The following CCNL2 variants were observed in gnomAD, a reference collection of about 807,000 sequenced individuals.
CCNL2 encodes cyclin-L2.
A neutral mutation model predicts 59.1 loss-of-function variants in CCNL2; 28 were observed. The ratio of observed to expected loss-of-function variants is 0.47; its 90% CI spans 0.35 to 0.65. CCNL2 has a LOEUF of 0.65. Ranked by LOEUF, CCNL2 falls within the 30% of genes least tolerant of loss-of-function variation. CCNL2 has a pLI of 0.00. For missense variants in CCNL2, 714 were observed against 717.4 expected (o/e 1.00, Z 0.05); for synonymous variants, 342 against 288.6 (o/e 1.19, Z -1.88).
In CCNL2 at chr1:1,399,148, G is replaced by A; in HGVS notation, c.159C>T (p.Leu53=). ...SGVLITLENC[L]LPDDKLRFTP... is the part of the protein sequence containing the mutation. ...TGAAACGGAGCTTGTCGTCAGGCAGGAGGCAGTTCTCCAAGGTGATGAGCA... is the reference window on the plus strand; with the variant it reads ...TGAAACGGAGCTTGTCGTCAGGCAGAAGGCAGTTCTCCAAGGTGATGAGCA... The change falls in exon 1 of 11, where the codon CTC becomes CTT. Residue 53 remains leucine (L), a synonymous_variant. Coordinates refer to ENST00000400809, the MANE Select transcript of CCNL2 (RefSeq NM_030937.6). The A allele has an allele frequency of 6.2e-7, 1 of 1,612,304 alleles. No homozygotes were observed. The highest frequency in any genetic ancestry group is 8.5e-7 in the Non-Finnish European group (1 of 1,179,544).
At chr1:1,389,711 G>T (rs986214065) in intron 8 of CCNL2, among the ~76,000 whole-genome samples, 3 of 152,120 alleles carry the variant, frequency 2.0e-5, no homozygotes, top group African/African-American at 7.2e-5. Context: ...TGTAATCCCA[G>T]CACTTTGGGA....
At chr1:1,389,982 G>A (rs1644675455) in intron 8 of CCNL2, among the ~76,000 whole-genome samples, 1 of 152,052 alleles carries the variant, frequency 6.6e-6, no homozygotes, top group African/African-American at 2.4e-5. Flanking sequence ...GCCAAGCATG[G>A]TGGCATGTGC....
rs763854660 is a variant in CCNL2 at position 1,393,446 on chromosome 1, G to A, written c.609C>T (p.Tyr203=). 4 of 1,614,018 alleles carry A rather than the reference G, an allele frequency of 2.5e-6. No individual in the cohort carries two copies. The highest frequency in any genetic ancestry group is 2.2e-5 in the East Asian group (1 of 44,890). The change falls in exon 5 of 11, where the codon TAC becomes TAT. Residue 203 remains tyrosine (Y), a synonymous_variant. Coordinates refer to ENST00000400809, the MANE Select transcript of CCNL2 (RefSeq NM_030937.6). ...VKHPHKIIVM[Y]LQVLECERNQ... is the part of the protein sequence containing the mutation. ...TACGCTCACACTCTAACACCTGAAG[G>A]TACATAACGATTATCTGGAAGATAC...
At position 1,388,569 on chromosome 1, in the gene CCNL2, C is replaced by G. The variant is rs866906716; in HGVS notation, c.1007-504G>C. On this transcript the variant is annotated intron_variant, in intron 8 of 10. Transcript: ENST00000400809. ...CCCCAAAACATGTGAGTGTGTGTCT[C>G]TCTCTCTCTCTCTCTATATATATAT... The G allele has an allele frequency of 2.9e-3, 807 of 280,222 alleles. 4 individuals are homozygous for G. Among genetic ancestry groups the G allele is most frequent in the Middle Eastern group, 0.018 (16 of 898 alleles). 17.4% of individuals were successfully genotyped at this position (280,222 alleles called of 1,614,324 possible).
rs530061879 is a variant in CCNL2 at position 1,399,273 on chromosome 1, C to T, written c.34G>A (p.Gly12Arg). 1 of 1,525,308 alleles carries T rather than the reference C, an allele frequency of 6.6e-7. No homozygotes were observed. Among genetic ancestry groups the T allele is most frequent in the African/African-American group, 1.5e-5 (1 of 68,816 alleles). The allele number at this position is 1,525,308 out of a possible 1,614,324, so 94.5% of individuals were successfully genotyped here. A position where few individuals can be genotyped will look rare whatever the true frequency, so the allele number is the denominator to read the frequency against. ...GCCGCTGCCGCGGGAGCTGCCGACC[C>T]TGCAGCACCAGCCGCCGCCGCCGCC... ...AAAAAAAGAA[G>R]SAAPAAAAGA... Residue 12 changes from glycine (G) to arginine (R), a missense_variant, in exon 1 of 11, where the codon GGG becomes AGG. By Grantham distance (125) the Gly-to-Arg change is moderately radical. Coordinates refer to ENST00000400809, the MANE Select transcript of CCNL2 (RefSeq NM_030937.6).
Position 1,387,143 on chromosome 1 carries a change from G to A in CCNL2, c.*88C>T, listed in dbSNP as rs564165128. On this transcript the variant is annotated 3_prime_UTR_variant, in exon 11 of 11. Coordinates refer to ENST00000400809, the MANE Select transcript of CCNL2 (RefSeq NM_030937.6). ...ACTTGCGCTGAGAGCACACCCGGGG[G>A]TCAAAGGGCAGCCACCGGGGGTCAA... is the stretch of plus-strand genomic sequence containing the variant. 28 of 1,089,222 alleles carry A rather than the reference G, an allele frequency of 2.6e-5. No homozygotes were observed. The Admixed American group carries it at 5.3e-4, about 21-fold the overall frequency. The allele number at this position is 1,089,222 out of a possible 1,614,324, so 67.5% of individuals were successfully genotyped here. A position where few individuals can be genotyped will look rare whatever the true frequency, so the allele number is the denominator to read the frequency against.
chr1:1,388,226 C>A (rs1644565594), intron 8 of CCNL2, 161 bp from the exon 9 acceptor site: 2 of 624,624 alleles, frequency 3.2e-6, no homozygotes, highest in African/African-American at 1.8e-5. Context: ...ACAGACATCA[C>A]AGAAATGCAG....
At chr1:1,387,732 C>A in intron 10 of CCNL2, 45 bp downstream of exon 10, 1 of 1,530,946 alleles carries the variant, frequency 6.5e-7, no homozygotes, top group Non-Finnish European at 8.9e-7. Context: ...CGAGGGACAG[C>A]CCCACCCCGG....
At chr1:1,391,344 A>G (rs1644750536) in intron 5 of CCNL2, 4 of 1,161,682 alleles carry the variant, frequency 3.4e-6, no homozygotes, top group Non-Finnish European at 4.3e-6. Flanking sequence ...CTGGGAGACA[A>G]GCCATCCTCT....
At chr1:1,391,501 G>C (rs774675404) in intron 5 of CCNL2, 2 of 1,296,866 alleles carry the variant, frequency 1.5e-6, no homozygotes, top group East Asian at 5.6e-5. Context: ...TGCGGAGGGA[G>C]ACTCCGCACC....
chr1:1,397,590 G>C (rs998265042), intron 3 of CCNL2, among the ~76,000 whole-genome samples: 1 of 152,158 alleles, frequency 6.6e-6, no homozygotes, highest in Non-Finnish European at 1.5e-5. Flanking sequence ...AGCCAGATGC[G>C]GTGGCTGAAA....
rs376876085 is a variant in CCNL2, at chr1:1,388,083, G to T, written c.1007-18C>A. The T allele has an allele frequency of 6.3e-7, 1 of 1,594,326 alleles. No individual in the cohort carries two copies. The highest frequency in any genetic ancestry group is 2.2e-5 in the East Asian group (1 of 44,790). On this transcript the variant is annotated intron_variant, in intron 8 of 10. Transcript: ENST00000400809. ...GGATTCCACTAGAATCAGAACAAGAGGTTAAAAGCCAACCACAAAACACTC... is the reference window on the plus strand; with the variant it reads ...GGATTCCACTAGAATCAGAACAAGATGTTAAAAGCCAACCACAAAACACTC...
chr1:1,390,689 A>G (rs376878356), intron 6 of CCNL2, 77 bp downstream of exon 6: 6 of 1,505,842 alleles, frequency 4.0e-6, no homozygotes, highest in Non-Finnish European at 5.5e-6. Context: ...AATTTGAAGA[A>G]TAACACAGTA....
chr1:1,395,523 G>A lies in CCNL2; in HGVS notation c.474-9C>T. On this transcript the variant is annotated splice_polypyrimidine_tract_variant and intron_variant, in intron 3 of 10. Transcript: ENST00000400809. ...GTAGAGGCACGGGCTTCCTGCCAGAGAGAGAGCACAGGGTCTGCACCACAG... is the reference window on the plus strand; with the variant it reads ...GTAGAGGCACGGGCTTCCTGCCAGAAAGAGAGCACAGGGTCTGCACCACAG... 1 of 1,613,968 alleles carries A rather than the reference G, an allele frequency of 6.2e-7. No individual in the cohort carries two copies. Among genetic ancestry groups the A allele is most frequent in the Non-Finnish European group, 8.5e-7 (1 of 1,180,014 alleles).
chr1:1,388,596 T>TAC, intron 8 of CCNL2: 1 of 409,382 alleles, frequency 2.4e-6, no homozygotes, highest in Non-Finnish European at 4.9e-6. Context: ...TATATATATA[T>TAC]ACATAGACAC....
In CCNL2 at chr1:1,390,556, A is replaced by G; in HGVS notation, c.767T>C (p.Leu256Ser). The G allele has an allele frequency of 6.2e-7, 1 of 1,611,134 alleles. No individual in the cohort carries two copies. The highest frequency in any genetic ancestry group is 8.5e-7 in the Non-Finnish European group (1 of 1,177,960). The change falls in exon 7 of 11, where the codon TTG (leucine) becomes TCG (serine). Residue 256 changes from leucine (L) to serine (S), a missense_variant. Coordinates refer to ENST00000400809, the MANE Select transcript of CCNL2 (RefSeq NM_030937.6). Reference protein sequence around the residue: ...YLAARTLEIPLPNRPHWFLLF... With the variant: ...YLAARTLEIPSPNRPHWFLLF... Reference sequence around the variant, plus strand: ...AAGAAACCAATGGGGACGATTGGGCAAAGGGATCTGTAAAAACAAACACTA... The same window carrying G: ...AAGAAACCAATGGGGACGATTGGGCGAAGGGATCTGTAAAAACAAACACTA...
chr1:1,398,150 T>C, intron 3 of CCNL2, 83 bp downstream of exon 3: 5 of 1,310,894 alleles, frequency 3.8e-6, no homozygotes, highest in Non-Finnish European at 5.5e-6. Flanking sequence ...GCCTGTATTG[T>C]GTTATACAAG....
chr1:1,393,516 G>C, intron 4 of CCNL2, 56 bp from the exon 5 acceptor site: 1 of 1,457,974 alleles, frequency 6.9e-7, no homozygotes, highest in Non-Finnish European at 9.6e-7. Context: ...CCAGAATTCA[G>C]ATCTTGTGGG....
chr1:1,394,459 A>C (rs1644908113), intron 4 of CCNL2, among the ~76,000 whole-genome samples: 1 of 152,138 alleles, frequency 6.6e-6, no homozygotes, highest in Non-Finnish European at 1.5e-5. Context: ...GTAGAAAATT[A>C]ACTGTTGAGG....
Sources: allele counts gnomAD v4.1 joint callset (sites outside exome capture counted in the v4.1 genomes callset), GRCh38; gene constraint gnomAD v4.1.1; transcripts MANE v1.5; gene names NCBI Gene and HGNC (gene_info 2026-07-23, HGNC 2026-07-21).